The following PRDX4 variants were observed in gnomAD, a reference collection of about 807,000 sequenced individuals.
PRDX4 encodes peroxiredoxin 4.
A neutral mutation model predicts 20.5 loss-of-function variants in PRDX4; 12 were observed. That is an observed-to-expected ratio of 0.58 (90% CI 0.37 to 0.95). The LOEUF is 0.95. Ranked by LOEUF, PRDX4 falls within the 40% of genes least tolerant of loss-of-function variation. The pLI is 0.01. For synonymous variants in PRDX4, 99 were observed against 87.5 expected, an observed-to-expected ratio of 1.13 and a Z score of -0.73; for missense variants, 180 against 207.3, an observed-to-expected ratio of 0.87 and a Z score of 0.81.
At chrX:23,677,406 G>A (rs1037923087) in intron 3 of PRDX4, among the ~76,000 whole-genome samples, 1 of 111,476 alleles carries the variant, frequency 9.0e-6, no homozygotes, top group Non-Finnish European at 1.9e-5. Flanking sequence ...GATGCTCAAA[G>A]GAAATGCTTA....
chrX:23,675,268 TAAA>T, intron 3 of PRDX4, 162 bp downstream of exon 3: 1 of 1,003,737 alleles, frequency 1.0e-6, no homozygotes, highest in South Asian at 2.8e-5. Context: ...TTTTCCAGGT[TAAA>T]AAAAGAGAGA....
chrX:23,669,917 CAA>C (rs72444639), intron 1 of PRDX4, among the ~76,000 whole-genome samples: 22 of 89,021 alleles, frequency 2.5e-4, no homozygotes, highest in East Asian at 3.5e-4. Flanking sequence ...ACTCTTGTCT[CAA>C]AAAAAAAAAA....
intron 1 of PRDX4, 135 bp downstream of exon 1, chrX:23,667,946 A>T: frequency 1.1e-6 from 1 of 945,760 alleles, no homozygotes; most frequent in Non-Finnish European, 1.4e-6. Context: ...GTTCTCACCT[A>T]GGAGGGCGGG....
intron 6 of PRDX4, among the ~76,000 whole-genome samples, chrX:23,685,163 A>G (rs778163572): frequency 7.1e-5 from 8 of 111,957 alleles, no homozygotes; most frequent in African/African-American, 2.6e-4. Flanking sequence ...TACTCATCCT[A>G]TAATACCTTT....
At chrX:23,677,361 C>T (rs777826189) in intron 3 of PRDX4, among the ~76,000 whole-genome samples, 2 of 111,512 alleles carry the variant, frequency 1.8e-5, no homozygotes, top group South Asian at 3.7e-4. Flanking sequence ...CTGAAATCCA[C>T]AGTGTTCCAA....
At chrX:23,686,260 T>G in intron 6 of PRDX4, 25 bp from the exon 7 acceptor site, 7 of 1,151,885 alleles carry the variant, frequency 6.1e-6, no homozygotes, top group African/African-American at 1.8e-5. Context: ...ATGAATAATT[T>G]CCTTTCTTCG....
At chrX:23,675,522 T>C (rs1362388032) in intron 3 of PRDX4, 2 of 136,109 alleles carry the variant, frequency 1.5e-5, no homozygotes, top group Non-Finnish European at 2.9e-5. Context: ...AACAATACTT[T>C]TTAAAAATGA....
At chrX:23,670,238 T>C (rs1027325711) in intron 1 of PRDX4, among the ~76,000 whole-genome samples, 76 of 112,013 alleles carry the variant, frequency 6.8e-4, no homozygotes, top group Non-Finnish European at 5.4e-4. Context: ...CCCAGTATGC[T>C]AAAATCATTA....
At chrX:23,676,724 C>T (rs886720534) in intron 3 of PRDX4, among the ~76,000 whole-genome samples, 7 of 106,228 alleles carry the variant, frequency 6.6e-5, no homozygotes, top group African/African-American at 2.1e-4. Context: ...CCTAGGTGGT[C>T]GAGGCTGTAG....
rs1927756275 is a variant in PRDX4 at position 23,667,625 on chromosome X, A to G, written c.55A>G (p.Arg19Gly). The G allele has an allele frequency of 8.3e-7, 1 of 1,200,433 alleles. No homozygotes were observed. Among genetic ancestry groups the G allele is most frequent in the Non-Finnish European group, 1.1e-6 (1 of 890,022 alleles). ...AACTCCGGACCACGGCCGCCACCGAAGGCTGCTTCTGCTGCCGCTACTGCT... is the reference window on the plus strand; with the variant it reads ...AACTCCGGACCACGGCCGCCACCGAGGGCTGCTTCTGCTGCCGCTACTGCT... ...ATTPDHGRHR[R>G]LLLLPLLLFL... Residue 19 changes from arginine (R) to glycine (G), a missense_variant, in exon 1 of 7, where the codon AGG becomes GGG. Transcript: ENST00000379341.
chrX:23,678,821 C>G (rs986350492), intron 3 of PRDX4, among the ~76,000 whole-genome samples: 6 of 110,979 alleles, frequency 5.4e-5, no homozygotes, highest in African/African-American at 2.0e-4. Flanking sequence ...CACCTGTAGT[C>G]CCAGCTTCTC....
rs1217391841 is a variant in PRDX4, at chrX:23,682,449, A to G, written c.653A>G (p.Asp218Gly). 7.6e-6 allele frequency: 9 copies of G among 1,181,452 alleles called. No individual in the cohort carries two copies. Among genetic ancestry groups the G allele is most frequent in the Non-Finnish European group, 1.0e-5 (9 of 875,645 alleles). ...ATCCTAAGACAAATTACTCTGAATG[A>G]TCTTCCTGTGGGTAGATCAGTGGAT... ...KGILRQITLN[D>G]LPVGRSVDET... Residue 218 changes from aspartate (D) to glycine (G), a missense_variant, in exon 5 of 7, where the codon GAT becomes GGT. Asp to Gly is a moderately conservative substitution (Grantham distance 94, BLOSUM62 -1). Transcript: ENST00000379341.
rs900329868 is a variant in PRDX4, at chrX:23,667,511, G to A, written c.-60G>A. The A allele has an allele frequency of 4.0e-5, 45 of 1,123,722 alleles. No individual in the cohort carries two copies. The highest frequency in any genetic ancestry group is 1.4e-4 in the Admixed American group (5 of 35,260). The allele number at this position is 1,123,722 out of a possible 1,213,427, so 92.6% of individuals were successfully genotyped here. A position where few individuals can be genotyped will look rare whatever the true frequency, so the allele number is the denominator to read the frequency against. ...GGGCGTCGTGCACGCGGTTGTAGCT[G>A]CCCGGCGGCGGCAGAAGCGGCGCTC... is the stretch of plus-strand genomic sequence containing the variant. On this transcript the variant is annotated 5_prime_UTR_variant, in exon 1 of 7. Coordinates refer to ENST00000379341, the MANE Select transcript of PRDX4 (RefSeq NM_006406.2).
intron 6 of PRDX4, among the ~76,000 whole-genome samples, chrX:23,684,041 CCTT>C (rs1376615750): frequency 9.2e-5 from 6 of 65,152 alleles, no homozygotes; most frequent in African/African-American, 3.6e-4. Flanking sequence ...GAGCAAGACT[CCTT>C]CTCAAAAAAA....
chrX:23,684,512 C>CT lies in PRDX4; in HGVS notation c.765+813dup, dbSNP rs1400491349. ...TTAGGAGGCTGTATAATTTTTTTTT[C>CT]TTTTTTGAGACGGAGTCTTGCTCTG... On this transcript the variant is annotated intron_variant, in intron 6 of 6. Transcript: ENST00000379341. 3.7e-5 allele frequency among the ~76,000 whole-genome samples: 4 copies of CT among 109,308 alleles called. No homozygotes were observed. The East Asian group carries it at 1.1e-3, about 31-fold the overall frequency. 94.9% of individuals were successfully genotyped at this position (109,308 alleles called of 115,157 possible).
chrX:23,680,154 A>C (rs184912863), intron 4 of PRDX4, among the ~76,000 whole-genome samples: 28 of 112,264 alleles, frequency 2.5e-4, no homozygotes, highest in Middle Eastern at 4.6e-3. Context: ...TTACAGATAA[A>C]AGAGACAGAT....
chrX:23,683,335 T>G (rs943597915), intron 5 of PRDX4, among the ~76,000 whole-genome samples: 1 of 111,730 alleles, frequency 9.0e-6, no homozygotes, highest in African/African-American at 3.2e-5. Context: ...TTATGTAAAT[T>G]TGGAGGAATT....
chrX:23,679,435 G>T, intron 4 of PRDX4, 148 bp downstream of exon 4: 1 of 677,386 alleles, frequency 1.5e-6, no homozygotes, highest in Admixed American at 3.7e-5. Flanking sequence ...CTGTAATCCT[G>T]GCACTTTGGG....
chrX:23,684,547 CTG>C (rs1928149746), intron 6 of PRDX4, among the ~76,000 whole-genome samples: 1 of 110,499 alleles, frequency 9.0e-6, no homozygotes, highest in African/African-American at 3.3e-5. Context: ...GTCGCCCAGA[CTG>C]GAGTGCAGTG....
Sources: gnomAD v4.1 joint callset for allele counts (sites outside exome capture counted in the v4.1 genomes callset) on GRCh38, gnomAD v4.1.1 for gene constraint, MANE v1.5 for transcripts, NCBI Gene and HGNC (gene_info 2026-07-23, HGNC 2026-07-21) for gene names.